The following TBC1D32 variants were observed in gnomAD, a reference collection of about 807,000 sequenced individuals.
TBC1D32 encodes TBC1 domain family member 32, also known as protein broad-minded.
TBC1D32 carries 151 observed loss-of-function variants against 170.3 expected under a neutral mutation model. The observed-to-expected ratio is 0.89, with a 90% CI of 0.78 to 1.01. The LOEUF (loss-of-function observed/expected upper bound fraction) is 1.01. TBC1D32 is among the 50% of genes least tolerant of loss of function. TBC1D32 has a pLI of 0.00. For synonymous variants in TBC1D32, 498 were observed against 488.0 expected (o/e 1.02, Z -0.27); for missense variants, 1,464 against 1,457.1 (o/e 1.00, Z -0.08).
rs543288427 is a variant in TBC1D32 at position 121,238,222 on chromosome 6, T to C, written c.2364+848A>G. Among the ~76,000 whole-genome samples the C allele has an allele frequency of 3.3e-5, 5 of 152,240 alleles. No individual in the cohort carries two copies. In the East Asian group the frequency reaches 9.6e-4, roughly 29 times the overall value. On this transcript the variant is annotated intron_variant, in intron 20 of 31. Transcript: ENST00000398212. ...TGGTGCTTCAAGCATTTTAGATTTC[T>C]ATCAGTGGAGCACAAATTTTCTACC...
intron 22 of TBC1D32, among the ~76,000 whole-genome samples, chr6:121,161,373 C>T (rs887957802): frequency 3.9e-5 from 6 of 152,122 alleles, no homozygotes; most frequent in African/African-American, 1.4e-4. Flanking sequence ...CTCTAACAGG[C>T]CCCAGTGTGT....
chr6:121,178,020 C>T (rs1259587921), intron 22 of TBC1D32, among the ~76,000 whole-genome samples: 2 of 152,084 alleles, frequency 1.3e-5, no homozygotes, highest in Non-Finnish European at 2.9e-5. Flanking sequence ...GGAAGACTCA[C>T]AATCATGGCA....
chr6:121,101,633 A>C (rs1336769129), intron 30 of TBC1D32, among the ~76,000 whole-genome samples: 3 of 152,182 alleles, frequency 2.0e-5, no homozygotes, highest in Non-Finnish European at 4.4e-5. Context: ...CCAGTATCAC[A>C]CTGAATGGGC....
chr6:121,094,725 A>G (rs1231877992), intron 30 of TBC1D32, among the ~76,000 whole-genome samples: 1 of 152,088 alleles, frequency 6.6e-6, no homozygotes, highest in East Asian at 1.9e-4. Flanking sequence ...TCTCCTACTA[A>G]AGATGTTTCC....
chr6:121,319,368 T>G (rs1809375467), intron 2 of TBC1D32, among the ~76,000 whole-genome samples: 1 of 152,154 alleles, frequency 6.6e-6, no homozygotes, highest in Non-Finnish European at 1.5e-5. Flanking sequence ...GCCCAGCTTC[T>G]GCCTCTATAG....
At chr6:121,083,854 T>C (rs1346746645) in intron 31 of TBC1D32, among the ~76,000 whole-genome samples, 1 of 152,116 alleles carries the variant, frequency 6.6e-6, no homozygotes, top group Non-Finnish European at 1.5e-5. Flanking sequence ...GATTAAATAT[T>C]CTGAAATCTG....
At chr6:121,092,337 G>C (rs1422857913) in intron 30 of TBC1D32, among the ~76,000 whole-genome samples, 1 of 122,424 alleles carries the variant, frequency 8.2e-6, no homozygotes, top group Non-Finnish European at 1.6e-5. Context: ...GATGTGGGGA[G>C]GAAAAGGGAA....
chr6:121,287,802 C>G (rs1474583706), intron 12 of TBC1D32, among the ~76,000 whole-genome samples: 2 of 152,184 alleles, frequency 1.3e-5, no homozygotes, highest in Admixed American at 1.3e-4. Context: ...AACAAACTGT[C>G]TCTCAGACCA....
chr6:121,087,689 T>A (rs560877484), intron 31 of TBC1D32, among the ~76,000 whole-genome samples: 1 of 152,330 alleles, frequency 6.6e-6, no homozygotes, highest in Non-Finnish European at 1.5e-5. Flanking sequence ...AACAGTCAGA[T>A]GCTTGATCTA....
In TBC1D32 at chr6:121,113,091, T is replaced by A; in HGVS notation, c.3140A>T (p.Gln1047Leu). The A allele has an allele frequency of 6.2e-7, 1 of 1,611,230 alleles. No individual in the cohort carries two copies. The highest frequency in any genetic ancestry group is 2.2e-5 in the East Asian group (1 of 44,662). Residue 1047 changes from glutamine to leucine, a missense_variant, in exon 28 of 32, where the codon CAG (glutamine) becomes CTG (leucine). Physicochemically the swap from Gln to Leu is moderately radical, Grantham distance 113. Coordinates refer to ENST00000398212, the MANE Select transcript of TBC1D32 (RefSeq NM_152730.6). ...VLKHCERFLKQQQTSIKSSLL... is the reference protein window; with the variant it reads ...VLKHCERFLKLQQTSIKSSLL... The stretch of plus-strand genomic sequence containing the variant: ...AGAAGATTTTATGGAAGTTTGCTGC[T>A]GTTTCAGGAATCTCTCACAATGCTT...
At chr6:121,286,961 T>A (rs1035335332) in intron 12 of TBC1D32, among the ~76,000 whole-genome samples, 8 of 152,154 alleles carry the variant, frequency 5.3e-5, no homozygotes, top group Non-Finnish European at 1.0e-4. Flanking sequence ...CTGAGAGATT[T>A]TGTCACCACC....
At position 121,205,177 on chromosome 6, in the gene TBC1D32, A is replaced by C; in HGVS notation, c.2482-14T>G. 8.1e-7 allele frequency: 1 copy of C among 1,231,030 alleles called. No individual in the cohort carries two copies. Among genetic ancestry groups the C allele is most frequent in the Non-Finnish European group, 1.1e-6 (1 of 880,736 alleles). 76.3% of individuals were successfully genotyped at this position (1,231,030 alleles called of 1,614,324 possible). A position where few individuals can be genotyped will look rare whatever the true frequency, so the allele number is the denominator to read the frequency against. On this transcript the variant is annotated splice_polypyrimidine_tract_variant and intron_variant, in intron 21 of 31. Coordinates refer to ENST00000398212, the MANE Select transcript of TBC1D32 (RefSeq NM_152730.6). ...ATCAATAATATCCTGAAAAAGACAG[A>C]CAAAATGAGACTGTATTTAACTGAT... is the stretch of plus-strand genomic sequence containing the variant.
chr6:121,160,871 G>C, intron 23 of TBC1D32, 77 bp downstream of exon 23: 1 of 1,070,552 alleles, frequency 9.3e-7, no homozygotes, highest in African/African-American at 1.6e-5. Context: ...GTAAAGTTTA[G>C]GGTGACTTTG....
intron 15 of TBC1D32, among the ~76,000 whole-genome samples, chr6:121,275,847 G>C (rs1214545196): frequency 1.3e-5 from 2 of 152,026 alleles, no homozygotes; most frequent in Non-Finnish European, 2.9e-5. Context: ...TAATGAGGCT[G>C]GGTGAGGTGG....
chr6:121,190,346 C>T (rs556721010), intron 22 of TBC1D32, among the ~76,000 whole-genome samples: 3 of 148,272 alleles, frequency 2.0e-5, no homozygotes, highest in African/African-American at 7.5e-5. Context: ...CTGCCCCCCA[C>T]CGTTCTTCCC....
chr6:121,211,166 G>C (rs1036874096), intron 21 of TBC1D32, among the ~76,000 whole-genome samples: 2 of 152,054 alleles, frequency 1.3e-5, no homozygotes, highest in Non-Finnish European at 2.9e-5. Context: ...GAGGGAGGGG[G>C]CGGCGAGGAA....
intron 22 of TBC1D32, among the ~76,000 whole-genome samples, chr6:121,185,924 A>C (rs1056168139): frequency 3.3e-5 from 5 of 152,100 alleles, no homozygotes; most frequent in African/African-American, 9.7e-5. Context: ...GCAGGACACA[A>C]CACCTTGGAA....
chr6:121,125,365 T>C (rs1436904829), intron 26 of TBC1D32, among the ~76,000 whole-genome samples: 1 of 152,138 alleles, frequency 6.6e-6, no homozygotes, highest in African/African-American at 2.4e-5. Context: ...TGGCCAGGAA[T>C]CAGAGTCCAG....
At position 121,282,188 on chromosome 6, in the gene TBC1D32, T is replaced by C. The variant is rs191238788; in HGVS notation, c.1466-502A>G. Reference sequence around the variant, plus strand: ...CTTTTATAGACACTAGTATACTTCTTGTATTACCATAAAGCCAGTGAAAAC... The same window carrying C: ...CTTTTATAGACACTAGTATACTTCTCGTATTACCATAAAGCCAGTGAAAAC... On this transcript the variant is annotated intron_variant, in intron 13 of 31. Coordinates refer to ENST00000398212, the MANE Select transcript of TBC1D32 (RefSeq NM_152730.6). Among the ~76,000 whole-genome samples the C allele has an allele frequency of 1.6e-3, 241 of 151,794 alleles. 2 individuals are homozygous for C. Among genetic ancestry groups the C allele is most frequent in the African/African-American group, 5.4e-3 (223 of 41,542 alleles).
Sources: gnomAD v4.1 joint callset for allele counts (sites outside exome capture counted in the v4.1 genomes callset) on GRCh38, gnomAD v4.1.1 for gene constraint, MANE v1.5 for transcripts, NCBI Gene and HGNC (gene_info 2026-07-23, HGNC 2026-07-21) for gene names.